Variants in QPRT observed in about 807,000 individuals in gnomAD.
QPRT encodes nicotinate-nucleotide pyrophosphorylase [carboxylating].
Under a neutral mutation model 19.8 loss-of-function variants are expected in QPRT, and 17 were observed. The observed-to-expected ratio is 0.86, with a 90% CI of 0.59 to 1.29. The LOEUF (loss-of-function observed/expected upper bound fraction) is 1.29. Among genes scored for constraint, QPRT ranks in the 50% most tolerant of loss-of-function variants. The pLI is 0.00. For synonymous variants in QPRT, 178 were observed against 191.0 expected (o/e 0.93, Z 0.56); for missense variants, 336 against 405.1 (o/e 0.83, Z 1.46).
intron 1 of QPRT, among the ~76,000 whole-genome samples, chr16:29,683,357 CTT>C (rs909423183): frequency 1.4e-5 from 2 of 143,870 alleles, no homozygotes. Context: ...AGCATTGGTT[CTT>C]TTTTTTTTTT....
intron 1 of QPRT, 57 bp from the exon 2 acceptor site, chr16:29,694,607 G>T: frequency 6.7e-7 from 1 of 1,482,052 alleles, no homozygotes; most frequent in Non-Finnish European, 9.0e-7. Flanking sequence ...TTTTGACAGT[G>T]ACCCCTGACA....
At chr16:29,679,667 T>A (rs1237223165) in intron 1 of QPRT, among the ~76,000 whole-genome samples, 3 of 151,450 alleles carry the variant, frequency 2.0e-5, no homozygotes, top group Non-Finnish European at 4.4e-5. Flanking sequence ...GTATGCAAAC[T>A]GTTGGGGTGA....
rs867649059 is a variant in QPRT, at chr16:29,685,664, C to T, written c.13+6454C>T. Among the ~76,000 whole-genome samples the T allele has an allele frequency of 3.9e-5, 6 of 152,054 alleles. 1 individual carries two copies. In the Middle Eastern group the frequency reaches 0.01, roughly 259 times the overall value. ...GTCTCCAGTTGGTGGCTGAAGTGAC[C>T]CTTCTGGAGCAAAACCATAATCATA... On this transcript the variant is annotated intron_variant, in intron 1 of 3. Coordinates refer to ENST00000395384, the MANE Select transcript of QPRT (RefSeq NM_014298.6).
At chr16:29,695,993 G>C (rs1306011112) in intron 2 of QPRT, 3 of 152,250 alleles carry the variant, frequency 2.0e-5, no homozygotes, top group Non-Finnish European at 4.4e-5. Context: ...AAGAGCAAAG[G>C]ACAACACAGG....
intron 1 of QPRT, among the ~76,000 whole-genome samples, chr16:29,689,840 G>T (rs1350552481): frequency 6.6e-6 from 1 of 152,004 alleles, no homozygotes; most frequent in Admixed American, 6.6e-5. Flanking sequence ...GCTCAATCAC[G>T]ACCCTCTCAC....
At chr16:29,691,364 CAAAAAAA>C (rs537664108) in intron 1 of QPRT, among the ~76,000 whole-genome samples, 21 of 51,894 alleles carry the variant, frequency 4.0e-4, no homozygotes, top group African/African-American at 1.3e-3. Context: ...AGCTCTGCAT[CAAAAAAA>C]AAAAAAAAAA....
At chr16:29,689,679 C>T (rs1182738554) in intron 1 of QPRT, among the ~76,000 whole-genome samples, 2 of 152,048 alleles carry the variant, frequency 1.3e-5, no homozygotes, top group Middle Eastern at 3.2e-3. Context: ...CTGACCTAAG[C>T]CTGGTAGTTA....
At chr16:29,688,544 G>T (rs762102618) in intron 1 of QPRT, among the ~76,000 whole-genome samples, 36 of 152,216 alleles carry the variant, frequency 2.4e-4, no homozygotes, top group Admixed American at 1.1e-3. Context: ...ATTTAAGACA[G>T]AGTCTCACTC....
At chr16:29,693,296 G>A (rs918271379) in intron 1 of QPRT, among the ~76,000 whole-genome samples, 3 of 151,594 alleles carry the variant, frequency 2.0e-5, no homozygotes, top group African/African-American at 4.8e-5. Flanking sequence ...GTTTTGAGAC[G>A]GAGTCTTGCT....
At chr16:29,680,940 CA>C (rs1019552293) in intron 1 of QPRT, among the ~76,000 whole-genome samples, 2 of 150,270 alleles carry the variant, frequency 1.3e-5, no homozygotes, top group South Asian at 4.2e-4. Flanking sequence ...GACTCCATCT[CA>C]AAAAAAAAGG....
chr16:29,693,364 C>T (rs1311025917), intron 1 of QPRT, among the ~76,000 whole-genome samples: 1 of 151,696 alleles, frequency 6.6e-6, no homozygotes, highest in Non-Finnish European at 1.5e-5. Flanking sequence ...CCTCTGCCTC[C>T]TGGGTTCAAG....
chr16:29,688,612 T>C (rs1158656034), intron 1 of QPRT, among the ~76,000 whole-genome samples: 2 of 152,008 alleles, frequency 1.3e-5, no homozygotes, highest in African/African-American at 4.8e-5. Flanking sequence ...CTCTGCCTCC[T>C]AGGTTCAAGC....
chr16:29,679,099 G>A (rs769368333), upstream of QPRT: 17 of 1,607,960 alleles, frequency 1.1e-5, no homozygotes, highest in South Asian at 1.8e-4. Flanking sequence ...ACAGCTTGAT[G>A]GGCCCTCCCT....
chr16:29,697,213 G>A lies in QPRT; in HGVS notation c.696G>A (p.Thr232=), dbSNP rs758730604. The A allele has an allele frequency of 5.0e-6, 8 of 1,611,018 alleles. No homozygotes were observed. Among genetic ancestry groups the A allele is most frequent in the African/African-American group, 4.0e-5 (3 of 74,884 alleles). Reference sequence around the variant, plus strand: ...GTGTCCCGCAGGAGCTGCACCCCACGGCCACCGTGCTGAAGGCCCAGTTCC... The same window carrying A: ...GTGTCCCGCAGGAGCTGCACCCCACAGCCACCGTGCTGAAGGCCCAGTTCC... ...DNFKPEELHP[T]ATVLKAQFPS... Residue 232 remains threonine, a synonymous_variant, in exon 4 of 4, where the codon ACG becomes ACA. Coordinates refer to ENST00000395384, the MANE Select transcript of QPRT (RefSeq NM_014298.6). This position sits in a 1 kb window ranked among gnomAD's most constrained non-coding sequence, Gnocchi z 4.4.
chr16:29,694,764 G>T lies in QPRT; in HGVS notation c.114G>T (p.Gly38=), dbSNP rs778374830. The T allele has an allele frequency of 6.2e-7, 1 of 1,613,384 alleles. No homozygotes were observed. The highest frequency in any genetic ancestry group is 2.2e-5 in the East Asian group (1 of 44,878). Residue 38 remains glycine (G), a synonymous_variant, in exon 2 of 4, where the codon GGG becomes GGT. Transcript: ENST00000395384. ...TCAACTACGCAGCCTTGGTCAGCGGGGCAGGCCCCTCGCAGGCGGCGCTGT... is the reference window on the plus strand; with the variant it reads ...TCAACTACGCAGCCTTGGTCAGCGGTGCAGGCCCCTCGCAGGCGGCGCTGT... ...PGLNYAALVS[G]AGPSQAALWA...
At chr16:29,696,699 T>G (rs1426185778) in intron 2 of QPRT, 4 of 262,432 alleles carry the variant, frequency 1.5e-5, no homozygotes, top group Admixed American at 1.1e-4. Context: ...GAGAATCACT[T>G]GATCCCAGGA....
Position 29,695,201 on chromosome 16 carries a change from T to C in QPRT, c.549+2T>C. 6.5e-7 allele frequency: 1 copy of C among 1,533,956 alleles called. No individual in the cohort carries two copies. The highest frequency in any genetic ancestry group is 2.4e-5 in the East Asian group (1 of 41,150). ...GTGGCCGCCGGTGGCGTGGAGAAGG[T>C]GCTGGTCCTGCCTGTCCCTGGTCCA... On this transcript the variant is annotated splice_donor_variant, in intron 2 of 3. Coordinates refer to ENST00000395384, the MANE Select transcript of QPRT (RefSeq NM_014298.6). LOFTEE classifies it high-confidence loss of function.
chr16:29,687,711 G>A (rs1967202749), intron 1 of QPRT, among the ~76,000 whole-genome samples: 1 of 151,924 alleles, frequency 6.6e-6, no homozygotes, highest in Non-Finnish European at 1.5e-5. Context: ...AAGCTCGGGG[G>A]TCCATCCCTT....
At position 29,698,658 on chromosome 16, in the gene QPRT, T is replaced by A. The variant is rs1332225747; in HGVS notation, c.*1247T>A. The stretch of plus-strand genomic sequence containing the variant: ...GGGATCTCAGCTATTAAGATGCAAG[T>A]CTGCCAATGCTCCTGGCCAAATAAA... On this transcript the variant is annotated 3_prime_UTR_variant, in exon 4 of 4. Transcript: ENST00000395384. 6.6e-6 allele frequency: 1 copy of A among 152,212 alleles called. No homozygotes were observed. Among genetic ancestry groups the A allele is most frequent in the Non-Finnish European group, 1.5e-5 (1 of 68,040 alleles). The allele number at this position is 152,212 out of a possible 1,614,324, so 9.4% of individuals were successfully genotyped here.
Sources: gnomAD v4.1 joint callset for allele counts (sites outside exome capture counted in the v4.1 genomes callset) on GRCh38, gnomAD v4.1.1 for gene constraint, Gnocchi (gnomAD v3.1) non-coding constraint, MANE v1.5 for transcripts, NCBI Gene and HGNC (gene_info 2026-07-23, HGNC 2026-07-21) for gene names.